The following DNMT3A variants were observed in gnomAD, a reference collection of about 807,000 sequenced individuals.
DNMT3A encodes DNA methyltransferase 3 alpha.
A neutral mutation model predicts 117.6 loss-of-function variants in DNMT3A; 267 were observed. That is an observed-to-expected ratio of 2.27 (90% CI 2.05 to 2.51). The LOEUF is 2.51. Ranked by LOEUF, DNMT3A falls within the 30% of genes most tolerant of loss-of-function variation. The pLI is 0.00. For missense variants in DNMT3A, 1,029 were observed against 1,260.2 expected, an observed-to-expected ratio of 0.82 and a Z score of 2.78; for synonymous variants, 432 against 474.8, an observed-to-expected ratio of 0.91 and a Z score of 1.17.
At chr2:25,285,463 G>A (rs1180566047) in intron 3 of DNMT3A, among the ~76,000 whole-genome samples, 2 of 152,264 alleles carry the variant, frequency 1.3e-5, no homozygotes, top group Non-Finnish European at 2.9e-5. Context: ...TGCAGGGCCT[G>A]CCAAGCTCCT....
rs566864081 is a variant in DNMT3A at position 25,229,778 on chromosome 2, A to C, written c.*4501T>G. ...CAACAGGAATTCAAAACTGCCTCCC[A>C]AATGTACTCTATTTATATAAGCAAA... On this transcript the variant is annotated 3_prime_UTR_variant, in exon 23 of 23. Coordinates refer to ENST00000321117, the MANE Select transcript of DNMT3A (RefSeq NM_022552.5). The C allele has an allele frequency of 1.3e-5, 2 of 152,366 alleles. No individual in the cohort carries two copies. Among genetic ancestry groups the C allele is most frequent in the South Asian group, 4.1e-4 (2 of 4,828 alleles). The allele number at this position is 152,366 out of a possible 1,614,324, so 9.4% of individuals were successfully genotyped here.
At chr2:25,272,824 C>T (rs1287789102) in intron 6 of DNMT3A, among the ~76,000 whole-genome samples, 11 of 112,090 alleles carry the variant, frequency 9.8e-5, no homozygotes, top group South Asian at 5.2e-4. Flanking sequence ...TTTTTTGAGA[C>T]GGAATTTTGC....
intron 20 of DNMT3A, among the ~76,000 whole-genome samples, chr2:25,238,194 C>T (rs1368109457): frequency 2.0e-5 from 3 of 152,274 alleles, no homozygotes; most frequent in South Asian, 4.1e-4. Flanking sequence ...TCCCAATATG[C>T]ACATGTATCT....
chr2:25,276,698 G>T (rs1306239598), intron 4 of DNMT3A, among the ~76,000 whole-genome samples: 3 of 152,194 alleles, frequency 2.0e-5, no homozygotes, highest in Non-Finnish European at 2.9e-5. Flanking sequence ...AGGTGGGGAA[G>T]TGAGCCCTCC....
At position 25,337,089 on chromosome 2, in the gene DNMT3A, G is replaced by C. The variant is rs2035245102; in HGVS notation, c.-178+4737C>G. On this transcript the variant is annotated intron_variant, in intron 1 of 22. Transcript: ENST00000321117. The surrounding 1 kb of genome is among the most constrained non-coding windows in gnomAD (Gnocchi z 5.0). ...CTGGAAAATGGAAGCGAATACGGTG[G>C]GAAAGTGCTGCTGCACTCAAGACAG... is the stretch of plus-strand genomic sequence containing the variant. Among the ~76,000 whole-genome samples the C allele has an allele frequency of 6.6e-6, 1 of 152,220 alleles. No homozygotes were observed. The highest frequency in any genetic ancestry group is 6.5e-5 in the Admixed American group (1 of 15,282).
At chr2:25,256,279 C>T (rs1328870195) in intron 6 of DNMT3A, among the ~76,000 whole-genome samples, 5 of 152,188 alleles carry the variant, frequency 3.3e-5, no homozygotes, top group Non-Finnish European at 7.3e-5. Flanking sequence ...TAGGCCCCCA[C>T]GAATCTGGAG....
intron 2 of DNMT3A, among the ~76,000 whole-genome samples, chr2:25,312,370 G>A (rs896372944): frequency 6.6e-5 from 10 of 152,204 alleles, no homozygotes; most frequent in South Asian, 4.1e-4. Context: ...CTGATCGGTC[G>A]CCCCGGGCGT....
chr2:25,281,339 G>A lies in DNMT3A; in HGVS notation c.448+1102C>T. On this transcript the variant is annotated intron_variant, in intron 4 of 22. Coordinates refer to ENST00000321117, the MANE Select transcript of DNMT3A (RefSeq NM_022552.5). The surrounding 1 kb of genome is among the most constrained non-coding windows in gnomAD (Gnocchi z 4.8). Reference sequence around the variant, plus strand: ...GAGGATAATCATATCTCTTGAATAAGATTGTTAGAGGAGTAAATAAAACAA... The same window carrying A: ...GAGGATAATCATATCTCTTGAATAAAATTGTTAGAGGAGTAAATAAAACAA... The A allele has an allele frequency of 1.4e-6, 1 of 701,688 alleles. No individual in the cohort carries two copies. The allele number at this position is 701,688 out of a possible 1,614,324, so 43.5% of individuals were successfully genotyped here. A position where few individuals can be genotyped will look rare whatever the true frequency, so the allele number is the denominator to read the frequency against.
At chr2:25,278,029 ACACACAC>A (rs1558700813) in intron 4 of DNMT3A, among the ~76,000 whole-genome samples, 12 of 83,714 alleles carry the variant, frequency 1.4e-4, no homozygotes, top group African/African-American at 2.2e-4. Flanking sequence ...ACACACACAC[ACACACAC>A]ACAGACACAC....
intron 16 of DNMT3A, 57 bp from the exon 17 acceptor site, chr2:25,241,764 C>A (rs1674084459): frequency 6.3e-7 from 1 of 1,591,182 alleles, no homozygotes; most frequent in Admixed American, 1.8e-5. Context: ...GCACCCTGGT[C>A]TCGGCAGGTG....
In DNMT3A at chr2:25,241,591, CGACGT is replaced by C; in HGVS notation, c.2048_2052del (p.Tyr683TrpfsTer28). The C allele has an allele frequency of 6.2e-7, 1 of 1,613,284 alleles. No individual in the cohort carries two copies. The highest frequency in any genetic ancestry group is 8.5e-7 in the Non-Finnish European group (1 of 1,179,684). Reference sequence around the variant, plus strand: ...TTCTGTGTGACGCTGCGGACGTCCCCGACGTACATGATCTTCCCCTGGTGCCGCAC... The same window carrying C: ...TTCTGTGTGACGCTGCGGACGTCCCCACATGATCTTCCCCTGGTGCCGCAC... On this transcript the variant is annotated frameshift_variant, in exon 17 of 23. Transcript: ENST00000321117. LOFTEE classifies it high-confidence loss of function.
In DNMT3A at chr2:25,252,665, G is replaced by A. The variant is rs954061756; in HGVS notation, c.640-4413C>T. ...GGAAGGGGCTGCTCCCGAGCCGCCTGCCCGGAGGGAGCCGGGGGTCCGGGC... is the reference window on the plus strand; with the variant it reads ...GGAAGGGGCTGCTCCCGAGCCGCCTACCCGGAGGGAGCCGGGGGTCCGGGC... On this transcript the variant is annotated intron_variant, in intron 6 of 22. Transcript: ENST00000321117. This position sits in a 1 kb window ranked among gnomAD's most constrained non-coding sequence, Gnocchi z 5.5. Among the ~76,000 whole-genome samples the A allele has an allele frequency of 1.2e-4, 19 of 152,246 alleles. No homozygotes were observed. The highest frequency in any genetic ancestry group is 4.3e-4 in the African/African-American group (18 of 41,558).
intron 1 of DNMT3A, among the ~76,000 whole-genome samples, chr2:25,317,724 G>A (rs111317028): frequency 1.1e-4 from 16 of 152,204 alleles, no homozygotes; most frequent in African/African-American, 3.6e-4. Flanking sequence ...AAACCAAGGA[G>A]AGGAAGGTTA....
chr2:25,255,364 C>G (rs916178312), intron 6 of DNMT3A, among the ~76,000 whole-genome samples: 3 of 152,176 alleles, frequency 2.0e-5, no homozygotes, highest in Non-Finnish European at 4.4e-5. Context: ...TAGCCAAACT[C>G]AAATAGCAGC....
rs1168745908 is a variant in DNMT3A, at chr2:25,304,163, G to C, written c.73-3920C>G. 6.6e-6 allele frequency among the ~76,000 whole-genome samples: 1 copy of C among 152,184 alleles called. No homozygotes were observed. The highest frequency in any genetic ancestry group is 1.5e-5 in the Non-Finnish European group (1 of 68,032). ...ATTCGTCCACACTTCCAGCGCAGAGGGGAGGGGGTGGAAATTCCAGACACG... is the reference window on the plus strand; with the variant it reads ...ATTCGTCCACACTTCCAGCGCAGAGCGGAGGGGGTGGAAATTCCAGACACG... On this transcript the variant is annotated intron_variant, in intron 2 of 22. Transcript: ENST00000321117. The surrounding 1 kb of genome is among the most constrained non-coding windows in gnomAD (Gnocchi z 4.3).
intron 1 of DNMT3A, among the ~76,000 whole-genome samples, chr2:25,319,296 G>A (rs2034504808): frequency 6.6e-6 from 1 of 151,740 alleles, no homozygotes; most frequent in Admixed American, 6.6e-5. Context: ...TTACAGGCAT[G>A]AGCCACCACG....
chr2:25,340,858 CGGCCCG>C (rs998704252), intron 1 of DNMT3A, among the ~76,000 whole-genome samples: 5 of 144,026 alleles, frequency 3.5e-5, no homozygotes, highest in Non-Finnish European at 4.6e-5. Context: ...CCGGCCCCCG[CGGCCCG>C]GGCCCGGGCC....
rs746743616 is a variant in DNMT3A at position 25,246,262 on chromosome 2, G to A, written c.1327C>T (p.Pro443Ser). 13 of 1,613,952 alleles carry A rather than the reference G, an allele frequency of 8.1e-6. No individual in the cohort carries two copies. The highest frequency in any genetic ancestry group is 1.1e-5 in the South Asian group (1 of 91,060). Residue 443 changes from proline to serine, a missense_variant, in exon 11 of 23, where the codon CCT becomes TCT. By Grantham distance (74) the Pro-to-Ser change is moderately conservative. Coordinates refer to ENST00000321117, the MANE Select transcript of DNMT3A (RefSeq NM_022552.5). ...GGTGGTGCGTAGGCAGCTGCCTCAG[G>A]TTCCACCCACATGTCCGTGTACACT... ...KEVYTDMWVE[P>S]EAAAYAPPPP...
Position 25,314,764 on chromosome 2 carries a change from G to A in DNMT3A, c.-177-603C>T, listed in dbSNP as rs369375310. 4.8e-5 allele frequency: 45 copies of A among 947,170 alleles called. No homozygotes were observed. The East Asian group carries it at 1.6e-3, about 34-fold the overall frequency. 58.7% of individuals were successfully genotyped at this position (947,170 alleles called of 1,614,324 possible). ...GCCACGGCCACGGCCAAGGCCACAG[G>A]CCACGGCCACACTGAGGCAGGAGTG... is the stretch of plus-strand genomic sequence containing the variant. On this transcript the variant is annotated intron_variant, in intron 1 of 22. Coordinates refer to ENST00000321117, the MANE Select transcript of DNMT3A (RefSeq NM_022552.5).
Sources: allele counts gnomAD v4.1 joint callset (sites outside exome capture counted in the v4.1 genomes callset), GRCh38; gene constraint gnomAD v4.1.1; non-coding constraint Gnocchi (gnomAD v3.1); transcripts MANE v1.5; gene names NCBI Gene and HGNC (gene_info 2026-07-23, HGNC 2026-07-21).